FHOD3: variants seen among roughly 807,000 people sequenced by gnomAD.
The protein encoded by FHOD3 is FH1/FH2 domain-containing protein 3.
FHOD3 carries 90 observed loss-of-function variants against 173.0 expected under a neutral mutation model. That is an observed-to-expected ratio of 0.52 (90% CI 0.44 to 0.62). The LOEUF (loss-of-function observed/expected upper bound fraction) is 0.62, where lower values mean the gene tolerates loss of function less well. Ranked by LOEUF, FHOD3 falls within the 20% of genes least tolerant of loss-of-function variation. The probability of loss-of-function intolerance (pLI) is 0.00; values close to 1 mark genes in which losing one functional copy is unlikely to be tolerated. For synonymous variants in FHOD3, 828 were observed against 823.0 expected (o/e 1.01, Z -0.10); for missense variants, 1,945 against 2,034.7 (o/e 0.96, Z 0.85).
At chr18:36,522,555 T>A (rs16967926) in intron 5 of FHOD3, among the ~76,000 whole-genome samples, 1,847 of 152,278 alleles carry the variant, frequency 0.012, 31 homozygotes, top group African/African-American at 0.042. Context: ...GTACAGCCTG[T>A]TTTGTATGTG....
intron 3 of FHOD3, among the ~76,000 whole-genome samples, chr18:36,496,898 A>G (rs2054774956): frequency 6.6e-6 from 1 of 152,244 alleles, no homozygotes. Context: ...TTTCTGATCA[A>G]GACCTTGTCT....
chr18:36,310,706 A>AG (rs1427366507), intron 1 of FHOD3, among the ~76,000 whole-genome samples: 1 of 151,616 alleles, frequency 6.6e-6, no homozygotes, highest in Non-Finnish European at 1.5e-5. Context: ...AAAAAAGAAA[A>AG]GAAAAAAAAA....
At chr18:36,324,766 A>C (rs976185495) in intron 1 of FHOD3, among the ~76,000 whole-genome samples, 1 of 152,248 alleles carries the variant, frequency 6.6e-6, no homozygotes, top group South Asian at 2.1e-4. Flanking sequence ...CCCACTTTTA[A>C]AAACTCTTAG....
chr18:36,747,830 A>G (rs902416366), intron 24 of FHOD3, among the ~76,000 whole-genome samples: 1 of 152,174 alleles, frequency 6.6e-6, no homozygotes, highest in African/African-American at 2.4e-5. Context: ...CTTTCCTACC[A>G]TGTGCTACCA....
chr18:36,389,176 C>CA (rs946254420), intron 3 of FHOD3, among the ~76,000 whole-genome samples: 183 of 150,736 alleles, frequency 1.2e-3, no homozygotes, highest in African/African-American at 3.4e-3. Flanking sequence ...ATTGATGCTT[C>CA]AAAAAAAAAG....
chr18:36,722,644 G>A (rs917634044), intron 19 of FHOD3, among the ~76,000 whole-genome samples: 12 of 151,954 alleles, frequency 7.9e-5, no homozygotes, highest in Admixed American at 2.0e-4. Context: ...TCACTCTGTC[G>A]CCCAGGCTGG....
chr18:36,445,347 G>T lies in FHOD3; in HGVS notation c.338-56585G>T, dbSNP rs188514054. ...TGTTAGGAAAAGAACATGAGCTGGT[G>T]ATGAGGTGTGGGCTAAAAACTTCTG... On this transcript the variant is annotated intron_variant, in intron 3 of 28. Transcript: ENST00000590592. Among the ~76,000 whole-genome samples the T allele has an allele frequency of 2.7e-3, 406 of 152,314 alleles. 3 individuals are homozygous for T. The highest frequency in any genetic ancestry group is 4.7e-3 in the Non-Finnish European group (323 of 68,034).
chr18:36,332,681 G>A (rs1234603480), intron 1 of FHOD3, among the ~76,000 whole-genome samples: 1 of 152,180 alleles, frequency 6.6e-6, no homozygotes, highest in East Asian at 1.9e-4. Flanking sequence ...CTTTCTTATT[G>A]GTGCACCTGC....
Position 36,769,311 on chromosome 18 carries a change from C to G in FHOD3, c.4671C>G (p.Val1557=). The part of the protein sequence containing the change: ...WTMGTDDSPN[V]TDDAADEIMD... Reference sequence around the variant, plus strand: ...TGGGAACTGATGACTCGCCCAATGTCACAGATGATGCAGCTGATGAGATCA... The same window carrying G: ...TGGGAACTGATGACTCGCCCAATGTGACAGATGATGCAGCTGATGAGATCA... The change falls in exon 28 of 29, where the codon GTC becomes GTG. Residue 1557 remains valine (V), a synonymous_variant. Coordinates refer to ENST00000590592, the MANE Select transcript of FHOD3 (RefSeq NM_001281740.3). 1 of 1,614,190 alleles carries G rather than the reference C, an allele frequency of 6.2e-7. No homozygotes were observed. The highest frequency in any genetic ancestry group is 1.3e-5 in the African/African-American group (1 of 75,032).
At chr18:36,469,730 G>A (rs2145076920) in intron 3 of FHOD3, among the ~76,000 whole-genome samples, 1 of 152,238 alleles carries the variant, frequency 6.6e-6, no homozygotes, top group African/African-American at 2.4e-5. Flanking sequence ...GAAACCAGCT[G>A]GTGCTCTGAC....
intron 3 of FHOD3, among the ~76,000 whole-genome samples, chr18:36,389,699 C>T (rs2048203267): frequency 6.6e-6 from 1 of 152,148 alleles, no homozygotes; most frequent in African/African-American, 2.4e-5. Context: ...GGGTGCATCT[C>T]AAGGGAGCCC....
At position 36,350,117 on chromosome 18, in the gene FHOD3, T is replaced by C. The variant is rs187915261; in HGVS notation, c.166-5422T>C. Among the ~76,000 whole-genome samples the C allele has an allele frequency of 1.9e-3, 294 of 152,242 alleles. 3 individuals are homozygous for C. The highest frequency in any genetic ancestry group is 3.6e-3 in the Admixed American group (55 of 15,304). On this transcript the variant is annotated intron_variant, in intron 1 of 28. Coordinates refer to ENST00000590592, the MANE Select transcript of FHOD3 (RefSeq NM_001281740.3). ...GACTGCACTATCTTTGCTGGAACAG[T>C]CAAAAGAACCCCAGAGTGACTTTGC...
chr18:36,729,039 A>T (rs1167645240), intron 19 of FHOD3, among the ~76,000 whole-genome samples: 1 of 152,172 alleles, frequency 6.6e-6, no homozygotes, highest in Non-Finnish European at 1.5e-5. Flanking sequence ...GATCCTAGAC[A>T]TTCTTTAGGG....
chr18:36,645,291 A>G (rs1200597958), intron 10 of FHOD3, among the ~76,000 whole-genome samples: 1 of 152,166 alleles, frequency 6.6e-6, no homozygotes, highest in African/African-American at 2.4e-5. Flanking sequence ...ATGGTGGCAT[A>G]TGCCTGTAGT....
chr18:36,451,161 G>A lies in FHOD3; in HGVS notation c.338-50771G>A, dbSNP rs139089111. 2.7e-3 allele frequency among the ~76,000 whole-genome samples: 404 copies of A among 152,298 alleles called. 1 individual carries two copies. Among genetic ancestry groups the A allele is most frequent in the African/African-American group, 9.3e-3 (385 of 41,574 alleles). ...GAGAAAATAGATAATGGCAAAATCA[G>A]TTGAAAAACTAAATACTGATGACCT... is the stretch of plus-strand genomic sequence containing the variant. On this transcript the variant is annotated intron_variant, in intron 3 of 28. Transcript: ENST00000590592.
At chr18:36,663,121 A>G (rs2036924221) in intron 14 of FHOD3, among the ~76,000 whole-genome samples, 1 of 152,196 alleles carries the variant, frequency 6.6e-6, no homozygotes, top group South Asian at 2.1e-4. Flanking sequence ...TACTGAAGAA[A>G]GCCTTTTTTC....
rs2038664996 is a variant in FHOD3 at position 36,687,025 on chromosome 18, C to T, written c.1971-103C>T. ...ACCATTTTACATTTCTGAGGCAGTGCCAGTCTTTCATGATATACTGTTTAT... is the reference window on the plus strand; with the variant it reads ...ACCATTTTACATTTCTGAGGCAGTGTCAGTCTTTCATGATATACTGTTTAT... On this transcript the variant is annotated intron_variant, in intron 15 of 28. Transcript: ENST00000590592. 7.8e-6 allele frequency: 6 copies of T among 768,492 alleles called. No homozygotes were observed. The Admixed American group carries it at 8.7e-5, about 11-fold the overall frequency. The allele number at this position is 768,492 out of a possible 1,614,324, so 47.6% of individuals were successfully genotyped here.
intron 3 of FHOD3, among the ~76,000 whole-genome samples, chr18:36,438,101 C>T (rs903558401): frequency 6.6e-6 from 1 of 152,132 alleles, no homozygotes; most frequent in Non-Finnish European, 1.5e-5. Context: ...TGTTAGGAAC[C>T]TCCATGAAGA....
intron 20 of FHOD3, among the ~76,000 whole-genome samples, chr18:36,731,734 G>A (rs2041371730): frequency 6.6e-6 from 1 of 152,240 alleles, no homozygotes; most frequent in South Asian, 2.1e-4. Flanking sequence ...AGTTGAGAGT[G>A]AGGAAGGGCC....
Sources: gnomAD v4.1 joint callset for allele counts (sites outside exome capture counted in the v4.1 genomes callset) on GRCh38, gnomAD v4.1.1 for gene constraint, MANE v1.5 for transcripts, NCBI Gene and HGNC (gene_info 2026-07-23, HGNC 2026-07-21) for gene names.